Variants in DTNB observed in about 807,000 individuals in gnomAD.
DTNB encodes DTN-B.
In DTNB, 63 loss-of-function variants were observed where a neutral mutation model predicts 90.7. That is an observed-to-expected ratio of 0.69 (90% CI 0.57 to 0.86). The LOEUF is 0.86. Ranked by LOEUF, DTNB falls within the 40% of genes least tolerant of loss-of-function variation. The pLI is 0.00. For synonymous variants in DTNB, 277 were observed against 286.7 expected, an observed-to-expected ratio of 0.97 and a Z score of 0.34; for missense variants, 744 against 807.1, an observed-to-expected ratio of 0.92 and a Z score of 0.95.
chr2:25,567,257 ACCTT>A (rs2059182574), intron 8 of DTNB, among the ~76,000 whole-genome samples: 1 of 152,166 alleles, frequency 6.6e-6, no homozygotes, highest in African/African-American at 2.4e-5. Flanking sequence ...CAGTAAGCAC[ACCTT>A]TTTCCCATGA....
chr2:25,588,734 T>C (rs1346620934), intron 6 of DTNB, among the ~76,000 whole-genome samples: 2 of 152,170 alleles, frequency 1.3e-5, no homozygotes, highest in African/African-American at 4.8e-5. Context: ...TGACAACAAA[T>C]GATCAGCTAT....
intron 8 of DTNB, among the ~76,000 whole-genome samples, chr2:25,543,314 T>G (rs926749451): frequency 6.6e-5 from 5 of 75,934 alleles, no homozygotes; most frequent in Non-Finnish European, 1.2e-4. Context: ...TTGTTTTTTG[T>G]TTTTTTTTTG....
intron 10 of DTNB, among the ~76,000 whole-genome samples, chr2:25,476,562 T>C (rs2063791534): frequency 6.6e-6 from 1 of 152,116 alleles, no homozygotes; most frequent in Non-Finnish European, 1.5e-5. Context: ...TAATGGGAGT[T>C]TGGAAGAAAT....
intron 3 of DTNB, among the ~76,000 whole-genome samples, chr2:25,635,291 T>C (rs2076905815): frequency 6.6e-6 from 1 of 151,540 alleles, no homozygotes; most frequent in African/African-American, 2.4e-5. Flanking sequence ...GTTAGCTGGG[T>C]ATGGTGGCGG....
chr2:25,624,272 G>T (rs1431960680), intron 4 of DTNB, among the ~76,000 whole-genome samples: 2 of 152,172 alleles, frequency 1.3e-5, no homozygotes, highest in African/African-American at 4.8e-5. Flanking sequence ...TTCCTAAAAT[G>T]TATAAAAGCA....
At chr2:25,390,270 T>G (rs1195163285) in intron 16 of DTNB, among the ~76,000 whole-genome samples, 1 of 152,142 alleles carries the variant, frequency 6.6e-6, no homozygotes, top group African/African-American at 2.4e-5. Context: ...TAAATCAAAA[T>G]GGATCATAGT....
At chr2:25,464,734 T>C (rs146578077) in intron 10 of DTNB, among the ~76,000 whole-genome samples, 24 of 152,342 alleles carry the variant, frequency 1.6e-4, no homozygotes, top group African/African-American at 5.1e-4. Flanking sequence ...GCAGGTTCTC[T>C]ATGATGCAGT....
At chr2:25,535,428 C>T (rs1316928792) in intron 8 of DTNB, among the ~76,000 whole-genome samples, 3 of 146,546 alleles carry the variant, frequency 2.0e-5, no homozygotes, top group Non-Finnish European at 4.5e-5. Context: ...GGCGGCCAGG[C>T]AGAGGCGCTC....
intron 8 of DTNB, among the ~76,000 whole-genome samples, chr2:25,537,413 G>T (rs191995825): frequency 2.8e-4 from 43 of 152,136 alleles, no homozygotes; most frequent in Non-Finnish European, 5.4e-4. Flanking sequence ...AAATAGAAAG[G>T]TAAAATCAAT....
At chr2:25,504,033 C>A (rs921179482) in intron 9 of DTNB, among the ~76,000 whole-genome samples, 1 of 152,086 alleles carries the variant, frequency 6.6e-6, no homozygotes, top group Non-Finnish European at 1.5e-5. Flanking sequence ...TCTGGGAGGC[C>A]GAAGTGGGCA....
At chr2:25,447,526 C>T (rs201682229) in intron 12 of DTNB, among the ~76,000 whole-genome samples, 1 of 118,274 alleles carries the variant, frequency 8.5e-6, no homozygotes, top group Non-Finnish European at 1.7e-5. Flanking sequence ...TTTTTTGAGA[C>T]AAGAGTCTTG....
rs764790275 is a variant in DTNB, at chr2:25,399,124, C to CTG, written c.1576-10765_1576-10764dup. On this transcript the variant is annotated intron_variant, in intron 16 of 20. Transcript: ENST00000406818. ...AGTGCAGTGGCGCGATCTCGGCTCACTGCAACCTCTGCCTCCTGGGTTCAA... is the reference window on the plus strand; with the variant it reads ...AGTGCAGTGGCGCGATCTCGGCTCACTGTGCAACCTCTGCCTCCTGGGTTCAA... Among the ~76,000 whole-genome samples, 16 of 152,302 alleles carry CTG rather than the reference C, an allele frequency of 1.1e-4. No homozygotes were observed. The East Asian group carries it at 1.5e-3, about 15-fold the overall frequency.
chr2:25,438,934 G>A (rs570800894), intron 12 of DTNB, among the ~76,000 whole-genome samples: 10 of 151,908 alleles, frequency 6.6e-5, no homozygotes, highest in Admixed American at 2.6e-4. Flanking sequence ...GATAAACATC[G>A]GACAAATTAC....
Position 25,572,107 on chromosome 2 carries a change from G to A in DTNB, c.876+4731C>T, listed in dbSNP as rs113970013. ...GGTGCATCCAGGATCTCTGGATATG[G>A]CACAGTCTTCTTCATAAGGATCATA... On this transcript the variant is annotated intron_variant, in intron 8 of 20. Coordinates refer to ENST00000406818, the MANE Select transcript of DTNB (RefSeq NM_021907.5). Among the ~76,000 whole-genome samples, 506 of 152,256 alleles carry A rather than the reference G, an allele frequency of 3.3e-3. 2 individuals are homozygous for A. Among genetic ancestry groups the A allele is most frequent in the African/African-American group, 0.011 (475 of 41,550 alleles).
At chr2:25,451,422 T>C (rs914896336) in intron 12 of DTNB, 126 bp downstream of exon 12, 1 of 983,524 alleles carries the variant, frequency 1.0e-6, no homozygotes. Flanking sequence ...TCTTAGCATG[T>C]GGAAAAGTGG....
chr2:25,634,262 G>C (rs2076564663), intron 3 of DTNB, among the ~76,000 whole-genome samples: 3 of 135,780 alleles, frequency 2.2e-5, no homozygotes, highest in Non-Finnish European at 3.3e-5. Context: ...CGCCCGGCCA[G>C]CCGCCCCGTC....
intron 1 of DTNB, among the ~76,000 whole-genome samples, chr2:25,654,738 T>A (rs1174859882): frequency 6.6e-6 from 1 of 152,220 alleles, no homozygotes; most frequent in Non-Finnish European, 1.5e-5. Flanking sequence ...AACAAAAGAA[T>A]GAGTGTTTTA....
At chr2:25,469,112 T>A (rs920970319) in intron 10 of DTNB, among the ~76,000 whole-genome samples, 2 of 152,152 alleles carry the variant, frequency 1.3e-5, no homozygotes, top group African/African-American at 4.8e-5. Flanking sequence ...AATCAAGTAT[T>A]TATAAGGGTA....
chr2:25,588,857 T>C (rs1373042448), intron 6 of DTNB, among the ~76,000 whole-genome samples: 1 of 152,132 alleles, frequency 6.6e-6, no homozygotes, highest in Admixed American at 6.5e-5. Context: ...TATTAAGATA[T>C]GAAAAAGTGT....
Sources: allele counts gnomAD v4.1 joint callset (sites outside exome capture counted in the v4.1 genomes callset), GRCh38; gene constraint gnomAD v4.1.1; transcripts MANE v1.5; gene names NCBI Gene and HGNC (gene_info 2026-07-23, HGNC 2026-07-21).